The following PSMG1 variants were observed in gnomAD, a reference collection of about 807,000 sequenced individuals.
PSMG1 encodes the protein Down syndrome critical region gene 2.
Under a neutral mutation model 37.2 loss-of-function variants are expected in PSMG1, and 23 were observed. That is an observed-to-expected ratio of 0.62 (90% CI 0.44 to 0.88). PSMG1 has a LOEUF of 0.88. Ranked by LOEUF, PSMG1 falls within the 40% of genes least tolerant of loss-of-function variation. The pLI, the probability that PSMG1 is intolerant of heterozygous loss-of-function variation, is 0.00. For synonymous variants in PSMG1, 127 were observed against 128.0 expected (o/e 0.99, Z 0.05); for missense variants, 340 against 344.2 (o/e 0.99, Z 0.10).
In PSMG1 at chr21:39,183,414, T is replaced by A. The variant is rs189878072; in HGVS notation, c.-29A>T. ...CGCCCCGTGACCGGCTGGACACAAC[T>A]GCAGCGCCGCGGGACCGCACGCCGG... On this transcript the variant is annotated 5_prime_UTR_variant, in exon 1 of 7. Coordinates refer to ENST00000331573, the MANE Select transcript of PSMG1 (RefSeq NM_003720.4). 3.2e-6 allele frequency: 5 copies of A among 1,562,042 alleles called. No homozygotes were observed. In the African/African-American group the frequency reaches 5.6e-5, roughly 17 times the overall value.
chr21:39,177,654 GT>G (rs879595722), intron 5 of PSMG1, 83 bp from the exon 6 acceptor site: 5 of 1,080,960 alleles, frequency 4.6e-6, no homozygotes, highest in Non-Finnish European at 6.1e-6. Flanking sequence ...AATAAAGGCT[GT>G]TGTTAAAAGT....
At chr21:39,176,780 G>A (rs2030640097) in intron 6 of PSMG1, among the ~76,000 whole-genome samples, 1 of 152,154 alleles carries the variant, frequency 6.6e-6, no homozygotes, top group African/African-American at 2.4e-5. Flanking sequence ...TAAAACTAAT[G>A]GCCATTCCAG....
At chr21:39,179,880 ACT>A in intron 4 of PSMG1, 42 bp downstream of exon 4, 1 of 1,522,804 alleles carries the variant, frequency 6.6e-7, no homozygotes, top group Non-Finnish European at 8.9e-7. Context: ...AAAAATGAAA[ACT>A]CCTGTAGACT....
Position 39,178,535 on chromosome 21 carries a change from C to G in PSMG1, c.569G>C (p.Arg190Thr). The change falls in exon 5 of 7, where the codon AGA becomes ACA. Residue 190 changes from arginine to threonine, a missense_variant. Coordinates refer to ENST00000331573, the MANE Select transcript of PSMG1 (RefSeq NM_003720.4). ...TTTGAAATTCTGTGTTTTTAGGGCT[C>G]TCAGGAAAGGAGAAGGAAGGCTGCC... ...STGSLPSPFL[R>T]ALKTQNFKDS... 1 of 1,613,982 alleles carries G rather than the reference C, an allele frequency of 6.2e-7. No homozygotes were observed. The highest frequency in any genetic ancestry group is 8.5e-7 in the Non-Finnish European group (1 of 1,179,992).
intron 6 of PSMG1, 40 bp downstream of exon 6, chr21:39,177,395 T>C (rs2030664635): frequency 6.6e-7 from 1 of 1,514,292 alleles, no homozygotes; most frequent in Non-Finnish European, 8.9e-7. Context: ...AAGCTGATTA[T>C]AACAATGCAG....
intron 2 of PSMG1, among the ~76,000 whole-genome samples, chr21:39,180,775 C>G (rs1361709276): frequency 6.6e-6 from 1 of 152,144 alleles, no homozygotes; most frequent in East Asian, 1.9e-4. Context: ...CATGTACTTA[C>G]TATGTTCTAC....
At chr21:39,175,800 C>T (rs2030606441) in intron 6 of PSMG1, 136 bp from the exon 7 acceptor site, 1 of 595,592 alleles carries the variant, frequency 1.7e-6, no homozygotes, top group East Asian at 2.9e-5. Flanking sequence ...CTTTACTCTC[C>T]TTCTCAACGA....
In PSMG1 at chr21:39,183,277, C is replaced by G. The variant is rs2030942914; in HGVS notation, c.109G>C (p.Val37Leu). Residue 37 changes from valine (V) to leucine (L), a missense_variant, in exon 1 of 7, where the codon GTG becomes CTG. Transcript: ENST00000331573. ...CTCTTCCGCGCCAGCTGCAGACGCA[C>G]CTCCCTGTCCTCGGGCGTCTCCCTC... ...GRRETPEDREVRLQLARKREV... is the reference protein window; with the variant it reads ...GRRETPEDRELRLQLARKREV... 3 of 1,587,244 alleles carry G rather than the reference C, an allele frequency of 1.9e-6. No homozygotes were observed. In the Admixed American group the frequency reaches 5.2e-5, roughly 27 times the overall value.
upstream of PSMG1, chr21:39,183,497 C>T (rs1322588593): frequency 1.5e-6 from 2 of 1,319,768 alleles, no homozygotes; most frequent in Non-Finnish European, 2.0e-6. Context: ...CCGCACAGGC[C>T]ACGCCCTCCG....
At chr21:39,182,594 T>C (rs117689961) in intron 1 of PSMG1, among the ~76,000 whole-genome samples, 25 of 152,130 alleles carry the variant, frequency 1.6e-4, no homozygotes, top group Non-Finnish European at 3.1e-4. Flanking sequence ...TTCTGAAAAA[T>C]GTAGAGGTGA....
At chr21:39,181,604 CA>C (rs969742240) in intron 2 of PSMG1, among the ~76,000 whole-genome samples, 167 bp downstream of exon 2, 1 of 149,894 alleles carries the variant, frequency 6.7e-6, no homozygotes. Flanking sequence ...AAAAACAAAA[CA>C]AAAAAAAATG....
chr21:39,180,032 C>G, intron 3 of PSMG1, 46 bp from the exon 4 acceptor site: 1 of 1,563,596 alleles, frequency 6.4e-7, no homozygotes, highest in South Asian at 1.1e-5. Flanking sequence ...GTTTTATACA[C>G]ACCACAAACT....
chr21:39,180,506 A>T (rs1289553039), intron 2 of PSMG1, 70 bp from the exon 3 acceptor site: 1 of 1,428,810 alleles, frequency 7.0e-7, no homozygotes, highest in African/African-American at 1.4e-5. Flanking sequence ...ATAAAAAGTA[A>T]GCTCAAGTTA....
intron 4 of PSMG1, among the ~76,000 whole-genome samples, chr21:39,179,622 G>A (rs181747793): frequency 3.0e-4 from 46 of 152,082 alleles, no homozygotes; most frequent in Non-Finnish European, 5.0e-4. Context: ...AAAGATGGGC[G>A]GGAGGAATCC....
At chr21:39,178,041 T>C (rs2030689160) in intron 5 of PSMG1, among the ~76,000 whole-genome samples, 2 of 152,306 alleles carry the variant, frequency 1.3e-5, no homozygotes, top group South Asian at 2.1e-4. Context: ...CTCTTTGTCA[T>C]ATGATGGCAG....
chr21:39,175,784 C>A (rs181520590), intron 6 of PSMG1, 120 bp from the exon 7 acceptor site: 2 of 680,610 alleles, frequency 2.9e-6, no homozygotes, highest in East Asian at 2.7e-5. Context: ...ATGGGACAGG[C>A]GTGGCCTTTA....
chr21:39,177,495 T>C lies in PSMG1; in HGVS notation c.732A>G (p.Leu244=), dbSNP rs1240870520. ...LCYTDVMKLD[L]ITVEAFKPIL... is the part of the protein sequence containing the mutation. ...TAGGCTTAAAAGCTTCCACTGTGAT[T>C]AGGTCTAATTTCATCACATCAGTAT... Residue 244 remains leucine (L), a synonymous_variant, in exon 6 of 7, where the codon CTA becomes CTG. Transcript: ENST00000331573. 1 of 1,608,536 alleles carries C rather than the reference T, an allele frequency of 6.2e-7. No homozygotes were observed. The highest frequency in any genetic ancestry group is 2.2e-5 in the East Asian group (1 of 44,582).
intron 2 of PSMG1, among the ~76,000 whole-genome samples, chr21:39,181,516 G>A (rs1276571908): frequency 1.3e-5 from 2 of 151,262 alleles, no homozygotes; most frequent in African/African-American, 4.8e-5. Context: ...AGCTCTTTGG[G>A]AAGCTGAGGC....
chr21:39,180,246 C>A, intron 3 of PSMG1, 39 bp downstream of exon 3: 1 of 1,553,332 alleles, frequency 6.4e-7, no homozygotes, highest in Non-Finnish European at 8.7e-7. Flanking sequence ...GTAAGTGATA[C>A]TTAAATAACT....
Sources: gnomAD v4.1 joint callset for allele counts (sites outside exome capture counted in the v4.1 genomes callset) on GRCh38, gnomAD v4.1.1 for gene constraint, MANE v1.5 for transcripts, NCBI Gene and HGNC (gene_info 2026-07-23, HGNC 2026-07-21) for gene names.